BCKDHB: variants seen among roughly 807,000 people sequenced by gnomAD.
The protein encoded by BCKDHB is branched chain keto acid dehydrogenase E1 subunit beta.
Under a neutral mutation model 48.5 loss-of-function variants are expected in BCKDHB, and 41 were observed. The observed-to-expected ratio is 0.85, with a 90% CI of 0.66 to 1.10. The LOEUF is 1.10. Ranked by LOEUF, BCKDHB falls within the 50% of genes least tolerant of loss-of-function variation. The pLI, the probability that BCKDHB is intolerant of heterozygous loss-of-function variation, is 0.00. For missense variants in BCKDHB, 496 were observed against 494.2 expected, an observed-to-expected ratio of 1.00 and a Z score of -0.03; for synonymous variants, 201 against 174.8, an observed-to-expected ratio of 1.15 and a Z score of -1.18.
At chr6:80,198,816 A>G (rs1022064562) in intron 6 of BCKDHB, among the ~76,000 whole-genome samples, 1 of 152,134 alleles carries the variant, frequency 6.6e-6, no homozygotes, top group African/African-American at 2.4e-5. Flanking sequence ...AATGAAATCA[A>G]CTCTCCAATA....
At chr6:80,404,660 T>C in the BCKDHB span, among the ~76,000 whole-genome samples, 4 of 152,096 alleles carry the variant, frequency 2.6e-5, no homozygotes, top group African/African-American at 4.8e-5. Context: ...ACAGGTTGTT[T>C]ATTTGTGATC....
At chr6:80,369,554 AT>A in the BCKDHB span, among the ~76,000 whole-genome samples, 1 of 152,322 alleles carries the variant, frequency 6.6e-6, no homozygotes, top group South Asian at 2.1e-4. Flanking sequence ...CTCTAGGTCC[AT>A]TTCTAGCCAC....
chr6:80,398,347 AAAAG>A, the BCKDHB span, among the ~76,000 whole-genome samples: 2 of 152,212 alleles, frequency 1.3e-5, no homozygotes, highest in Non-Finnish European at 2.9e-5. Context: ...ACTAAAGAAG[AAAAG>A]AAAGAAGATT....
intron 3 of BCKDHB, among the ~76,000 whole-genome samples, chr6:80,145,781 C>T (rs1433704880): frequency 1.3e-5 from 2 of 152,056 alleles, no homozygotes; most frequent in South Asian, 2.1e-4. Flanking sequence ...ACCACATTGA[C>T]CAGTGGGTAC....
chr6:80,410,601 C>G, the BCKDHB span, among the ~76,000 whole-genome samples: 1 of 152,188 alleles, frequency 6.6e-6, no homozygotes, highest in Non-Finnish European at 1.5e-5. Context: ...TAGATTTGGT[C>G]TTTTCACATA....
the BCKDHB span, among the ~76,000 whole-genome samples, chr6:80,394,341 A>G: frequency 1.3e-4 from 20 of 152,144 alleles, no homozygotes; most frequent in African/African-American, 4.8e-4. Flanking sequence ...AATATCCAAA[A>G]GCTTCTTTAT....
chr6:80,208,221 A>T (rs940680174), intron 8 of BCKDHB, among the ~76,000 whole-genome samples: 1 of 151,810 alleles, frequency 6.6e-6, no homozygotes, highest in Non-Finnish European at 1.5e-5. Flanking sequence ...TAAGTACCTT[A>T]CTCTAAATAA....
the BCKDHB span, among the ~76,000 whole-genome samples, chr6:80,455,890 CTACCTCAGGGGCAGCTGGGACTCAG>C: frequency 5.3e-5 from 8 of 152,190 alleles, no homozygotes; most frequent in African/African-American, 1.9e-4. Context: ...ATGCTGAGTA[CTACCTCAGGGGCAGCTGGGACTCAG>C]TAACCGTTCT....
chr6:80,308,785 C>T (rs1010576603), intron 9 of BCKDHB, among the ~76,000 whole-genome samples: 2 of 151,556 alleles, frequency 1.3e-5, no homozygotes, highest in African/African-American at 4.8e-5. Context: ...TTAGTAGAGA[C>T]GGAGTTTCAC....
chr6:80,342,592 A>G (rs1476247335), intron 9 of BCKDHB, among the ~76,000 whole-genome samples: 4 of 148,138 alleles, frequency 2.7e-5, no homozygotes, highest in East Asian at 2.0e-4. Context: ...AAGGGAAGAA[A>G]GGGGAAGGAA....
chr6:80,119,047 T>G (rs991692605), intron 1 of BCKDHB, among the ~76,000 whole-genome samples: 3 of 152,114 alleles, frequency 2.0e-5, no homozygotes, highest in African/African-American at 7.2e-5. Flanking sequence ...CCTACCACTT[T>G]GGGAGGCCAA....
chr6:80,412,140 G>A, the BCKDHB span, among the ~76,000 whole-genome samples: 1 of 127,898 alleles, frequency 7.8e-6, no homozygotes, highest in African/African-American at 2.9e-5. Flanking sequence ...ATTGGTCACA[G>A]TTTACATTTT....
At chr6:80,313,333 T>C (rs1394254551) in intron 9 of BCKDHB, among the ~76,000 whole-genome samples, 6 of 152,106 alleles carry the variant, frequency 3.9e-5, no homozygotes, top group Admixed American at 2.6e-4. Context: ...TCTCTTTTTT[T>C]CTTTATTAGT....
Position 80,117,067 on chromosome 6 carries a change from T to A in BCKDHB, c.196+10178T>A, listed in dbSNP as rs1026385995. Among the ~76,000 whole-genome samples the A allele has an allele frequency of 5.1e-4, 77 of 152,228 alleles. 2 individuals carry two copies. Among genetic ancestry groups the A allele is most frequent in the Non-Finnish European group, 5.9e-5 (4 of 68,034 alleles). ...CTTGCCTTGTCCACAAATCATGCTG[T>A]AACTTTAAAAAAGAAATGAAAAGTA... On this transcript the variant is annotated intron_variant, in intron 1 of 9. Transcript: ENST00000320393.
At chr6:80,255,191 G>T (rs957277335) in intron 8 of BCKDHB, among the ~76,000 whole-genome samples, 1 of 152,102 alleles carries the variant, frequency 6.6e-6, no homozygotes, top group African/African-American at 2.4e-5. Context: ...ATACCTTATT[G>T]TACTTTTGCT....
intron 9 of BCKDHB, among the ~76,000 whole-genome samples, chr6:80,330,381 C>T (rs1769263665): frequency 1.3e-5 from 2 of 152,088 alleles, no homozygotes; most frequent in Admixed American, 1.3e-4. Flanking sequence ...ATTAATACTC[C>T]AGGATGATAC....
chr6:80,177,544 A>C (rs555105659), intron 6 of BCKDHB, among the ~76,000 whole-genome samples: 1 of 152,188 alleles, frequency 6.6e-6, no homozygotes, highest in East Asian at 1.9e-4. Flanking sequence ...AACAAACATG[A>C]GTGTTTTTCC....
At chr6:80,401,634 A>G in the BCKDHB span, among the ~76,000 whole-genome samples, 1 of 151,792 alleles carries the variant, frequency 6.6e-6, no homozygotes, top group East Asian at 1.9e-4. Context: ...TAAGTATACA[A>G]CATGGTATTC....
chr6:80,440,703 G>A, the BCKDHB span: 1 of 150,558 alleles, frequency 6.6e-6, no homozygotes, highest in African/African-American at 2.4e-5. Flanking sequence ...CTCAGTCATC[G>A]CTAAGGACTC....
Sources: allele counts gnomAD v4.1 joint callset (sites outside exome capture counted in the v4.1 genomes callset), GRCh38; gene constraint gnomAD v4.1.1; transcripts MANE v1.5; gene names NCBI Gene and HGNC (gene_info 2026-07-23, HGNC 2026-07-21).